Variants in BIRC6 observed in about 807,000 individuals in gnomAD.
The protein encoded by BIRC6 is baculoviral IAP repeat containing 6, also known as dual E2 ubiquitin-conjugating enzyme/E3 ubiquitin-protein ligase BIRC6.
A neutral mutation model predicts 503.3 loss-of-function variants in BIRC6; 98 were observed. That is an observed-to-expected ratio of 0.19 (90% CI 0.17 to 0.23). The LOEUF (loss-of-function observed/expected upper bound fraction) is 0.23. Ranked by LOEUF, BIRC6 falls within the 10% of genes least tolerant of loss-of-function variation. The pLI is 1.00. For missense variants in BIRC6, 5,360 were observed against 5,806.0 expected (o/e 0.92, Z 2.50); for synonymous variants, 2,240 against 2,078.7 (o/e 1.08, Z -2.11).
At chr2:32,467,118 CAAAAAA>C (rs1207152761) in intron 26 of BIRC6, among the ~76,000 whole-genome samples, 1 of 82,014 alleles carries the variant, frequency 1.2e-5, no homozygotes. Flanking sequence ...GACTCCGTCT[CAAAAAA>C]AAAAAAAAAA....
chr2:32,481,287 T>G (rs780958681), intron 37 of BIRC6, 33 bp from the exon 38 acceptor site: 2 of 1,495,064 alleles, frequency 1.3e-6, no homozygotes, highest in Non-Finnish European at 1.8e-6. Context: ...TGTGATACAC[T>G]CCACCAATAA....
chr2:32,575,022 A>C, intron 65 of BIRC6, 134 bp from the exon 66 acceptor site: 1 of 857,628 alleles, frequency 1.2e-6, no homozygotes, highest in Non-Finnish European at 1.9e-6. Flanking sequence ...TACTGAGATT[A>C]CAGGCCTGAA....
intron 46 of BIRC6, among the ~76,000 whole-genome samples, chr2:32,501,045 C>T (rs1558903610): frequency 6.6e-6 from 1 of 152,122 alleles, no homozygotes; most frequent in Non-Finnish European, 1.5e-5. Context: ...TTTACTCATA[C>T]TGTAACATTT....
At chr2:32,362,198 C>T (rs946898319) in intron 1 of BIRC6, among the ~76,000 whole-genome samples, 5 of 151,886 alleles carry the variant, frequency 3.3e-5, no homozygotes, top group Non-Finnish European at 5.9e-5. Context: ...ATATTTTGGC[C>T]GTTTTAGTAG....
intron 65 of BIRC6, among the ~76,000 whole-genome samples, chr2:32,571,449 T>C (rs2059912352): frequency 6.7e-6 from 1 of 148,710 alleles, no homozygotes; most frequent in African/African-American, 2.5e-5. Context: ...TTGTTATTAG[T>C]TTGTTTAGAA....
chr2:32,416,263 G>A (rs116759811), intron 10 of BIRC6, 100 bp downstream of exon 10: 18,063 of 1,227,678 alleles, frequency 0.015, 312 homozygotes, highest in African/African-American at 0.083. Flanking sequence ...AAATAGATGG[G>A]GAGGAATTAA....
intron 73 of BIRC6, among the ~76,000 whole-genome samples, chr2:32,616,701 C>G (rs186411481): frequency 6.6e-6 from 1 of 151,648 alleles, no homozygotes; most frequent in African/African-American, 2.4e-5. Flanking sequence ...TTTTTTCATT[C>G]GCTAAAGTAT....
In BIRC6 at chr2:32,617,950, A is replaced by C. The variant is rs1169326341; in HGVS notation, c.*46A>C. ...ATAGACACAAAGGCTTCGAAGCACA[A>C]GCCAAATATGTCAATATTTGTATGT... On this transcript the variant is annotated 3_prime_UTR_variant, in exon 74 of 74. Transcript: ENST00000421745. The C allele has an allele frequency of 1.3e-6, 2 of 1,545,882 alleles. No homozygotes were observed. The highest frequency in any genetic ancestry group is 1.4e-5 in the African/African-American group (1 of 73,026).
chr2:32,382,828 G>A (rs1481261878), intron 3 of BIRC6, among the ~76,000 whole-genome samples: 2 of 151,978 alleles, frequency 1.3e-5, no homozygotes, highest in Admixed American at 1.3e-4. Context: ...GGTTCAAGCA[G>A]TTCTCCTGCC....
intron 49 of BIRC6, among the ~76,000 whole-genome samples, chr2:32,503,548 A>G (rs536377512): frequency 2.0e-5 from 3 of 152,158 alleles, no homozygotes; most frequent in African/African-American, 7.2e-5. Flanking sequence ...CAGCCTCCCG[A>G]GTAGCTGGGA....
chr2:32,543,125 G>C (rs2057801556), intron 61 of BIRC6, 116 bp from the exon 62 acceptor site: 1 of 1,188,780 alleles, frequency 8.4e-7, no homozygotes, highest in Non-Finnish European at 1.2e-6. Flanking sequence ...AAAGCAAGCA[G>C]CTTTATTAAT....
Position 32,442,431 on chromosome 2 carries a change from C to T in BIRC6, c.4214C>T (p.Ala1405Val). The change falls in exon 19 of 74, where the codon GCC becomes GTC. Residue 1405 changes from alanine (A) to valine (V), a missense_variant. This residue lies in a region of BIRC6 where 2,299 missense variants were observed against 2,267.2 expected (regional missense o/e 1.01). Coordinates refer to ENST00000421745, the MANE Select transcript of BIRC6 (RefSeq NM_016252.4). ...EAGRSIAHKC[A>V]RFLALCISNG... Reference sequence around the variant, plus strand: ...GGACGAAGTATAGCCCATAAGTGTGCCCGATTTCTAGCCTTGTGCATTAGG... The same window carrying T: ...GGACGAAGTATAGCCCATAAGTGTGTCCGATTTCTAGCCTTGTGCATTAGG... 1 of 1,607,596 alleles carries T rather than the reference C, an allele frequency of 6.2e-7. No individual in the cohort carries two copies. Among genetic ancestry groups the T allele is most frequent in the Non-Finnish European group, 8.5e-7 (1 of 1,176,930 alleles).
chr2:32,518,956 A>G lies in BIRC6; in HGVS notation c.11623+10A>G, dbSNP rs1254611240. 5 of 1,611,030 alleles carry G rather than the reference A, an allele frequency of 3.1e-6. No individual in the cohort carries two copies. Among genetic ancestry groups the G allele is most frequent in the Non-Finnish European group, 4.2e-6 (5 of 1,178,048 alleles). On this transcript the variant is annotated intron_variant, in intron 57 of 73. Coordinates refer to ENST00000421745, the MANE Select transcript of BIRC6 (RefSeq NM_016252.4). ...CTTGACAGAGTGTCAGGCAAGTCAG[A>G]TTTAAGTATTAGTTTTTGTTTAACT... is the stretch of plus-strand genomic sequence containing the variant.
intron 61 of BIRC6, among the ~76,000 whole-genome samples, chr2:32,531,864 T>C (rs1456139482): frequency 6.6e-6 from 1 of 152,208 alleles, no homozygotes; most frequent in African/African-American, 2.4e-5. Context: ...ATTAGAGATA[T>C]TATTGGAAAT....
At chr2:32,394,908 T>C (rs1478398372) in intron 5 of BIRC6, among the ~76,000 whole-genome samples, 2 of 152,130 alleles carry the variant, frequency 1.3e-5, no homozygotes, top group Non-Finnish European at 2.9e-5. Context: ...TCCAGCACTC[T>C]GGGAGGCTGA....
At chr2:32,530,778 G>A (rs797021078) in intron 60 of BIRC6, among the ~76,000 whole-genome samples, 8 of 152,192 alleles carry the variant, frequency 5.3e-5, no homozygotes, top group African/African-American at 1.9e-4. Flanking sequence ...TCTTTGCCCA[G>A]TTTTTCAGCA....
chr2:32,374,751 C>T (rs1224529666), intron 1 of BIRC6, among the ~76,000 whole-genome samples: 3 of 152,098 alleles, frequency 2.0e-5, no homozygotes, highest in African/African-American at 2.4e-5. Context: ...GGATTACAGG[C>T]GTGAGCCACC....
intron 22 of BIRC6, among the ~76,000 whole-genome samples, chr2:32,450,206 C>T (rs1272322733): frequency 1.3e-5 from 2 of 152,102 alleles, no homozygotes; most frequent in Admixed American, 6.5e-5. Context: ...CGGCCGGGCA[C>T]GGTGGCTCAC....
At position 32,582,610 on chromosome 2, in the gene BIRC6, A is replaced by T. The variant is rs2060748530; in HGVS notation, c.13355+7244A>T. Among the ~76,000 whole-genome samples, 6 of 152,122 alleles carry T rather than the reference A, an allele frequency of 3.9e-5. No individual in the cohort carries two copies. The South Asian group carries it at 1.2e-3, about 32-fold the overall frequency. On this transcript the variant is annotated intron_variant, in intron 66 of 73. Transcript: ENST00000421745. The stretch of plus-strand genomic sequence containing the variant: ...GAAACCCGTCTCTGTTAAAAATACA[A>T]AACAATTAGCTGCGTGTGGTGGCAC...
Sources: allele counts gnomAD v4.1 joint callset (sites outside exome capture counted in the v4.1 genomes callset), GRCh38; gene constraint gnomAD v4.1.1; regional missense constraint gnomAD v4.1.1; transcripts MANE v1.5; gene names NCBI Gene and HGNC (gene_info 2026-07-23, HGNC 2026-07-21).